The following ZNF596 variants were observed in gnomAD, a reference collection of about 807,000 sequenced individuals.
ZNF596 encodes zinc finger protein 596.
A neutral mutation model predicts 48.3 loss-of-function variants in ZNF596; 45 were observed. The observed-to-expected ratio is 0.93, with a 90% CI of 0.73 to 1.19. The LOEUF is 1.19. Ranked by LOEUF, ZNF596 falls within the 50% of genes most tolerant of loss-of-function variation. The pLI, the probability that ZNF596 is intolerant of heterozygous loss-of-function variation, is 0.00. For missense variants in ZNF596, 848 were observed against 599.7 expected, an observed-to-expected ratio of 1.41 and a Z score of -4.32; for synonymous variants, 270 against 202.0, an observed-to-expected ratio of 1.34 and a Z score of -2.85.
chr8:235,006 G>T (rs190791820), intron 1 of ZNF596: 1 of 152,304 alleles, frequency 6.6e-6, no homozygotes, highest in South Asian at 2.1e-4. Flanking sequence ...CTGCCCAACT[G>T]TATAATGCAT....
At chr8:244,753 A>T in intron 5 of ZNF596, 52 bp downstream of exon 5, 1 of 1,495,510 alleles carries the variant, frequency 6.7e-7, no homozygotes, top group East Asian at 2.3e-5. Flanking sequence ...CCTGGACATT[A>T]AACAACTTTG....
chr8:240,613 A>AT (rs1424633761), intron 1 of ZNF596: 3 of 420,112 alleles, frequency 7.1e-6, no homozygotes, highest in Non-Finnish European at 1.3e-5. Flanking sequence ...TGATTTTCAC[A>AT]TTTCTAGGTC....
intron 2 of ZNF596, among the ~76,000 whole-genome samples, chr8:242,361 G>T (rs199853756): frequency 7.9e-5 from 12 of 152,306 alleles, no homozygotes; most frequent in Non-Finnish European, 1.6e-4. Context: ...TTTGTGGCTT[G>T]TATCTAAAAA....
chr8:246,980 G>C lies in ZNF596; in HGVS notation c.*618G>C, dbSNP rs1350041240. On this transcript the variant is annotated 3_prime_UTR_variant, in exon 6 of 6. Transcript: ENST00000398612. ...AATAGATCAGAATTCACATGGTGTA[G>C]AACTCTCAATGACATGAATGGAGGG... 4.6e-5 allele frequency: 7 copies of C among 152,374 alleles called. No homozygotes were observed. The highest frequency in any genetic ancestry group is 4.6e-4 in the Admixed American group (7 of 15,298). The allele number at this position is 152,374 out of a possible 1,614,324, so 9.4% of individuals were successfully genotyped here.
chr8:243,690 T>A, intron 3 of ZNF596, 32 bp from the exon 4 acceptor site: 1 of 1,608,892 alleles, frequency 6.2e-7, no homozygotes, highest in Non-Finnish European at 8.5e-7. Flanking sequence ...AGCACAGAAC[T>A]CAAAATCCAT....
At chr8:239,363 A>T (rs1255360989) in intron 1 of ZNF596, among the ~76,000 whole-genome samples, 1 of 151,996 alleles carries the variant, frequency 6.6e-6, no homozygotes, top group Non-Finnish European at 1.5e-5. Flanking sequence ...TAATTTTTGT[A>T]TTTTTAGTAG....
Position 246,436 on chromosome 8 carries a change from A to G in ZNF596, c.*74A>G. On this transcript the variant is annotated 3_prime_UTR_variant, in exon 6 of 6. Coordinates refer to ENST00000398612, the MANE Select transcript of ZNF596 (RefSeq NM_001042416.3). ...CTACAGGAATATTATGTCTGTAATC[A>G]GTGTGGAAAAGCCTTTATTTATATT... 6.7e-7 allele frequency: 1 copy of G among 1,489,412 alleles called. No homozygotes were observed. Among genetic ancestry groups the G allele is most frequent in the Non-Finnish European group, 8.9e-7 (1 of 1,119,018 alleles). The allele number at this position is 1,489,412 out of a possible 1,614,324, so 92.3% of individuals were successfully genotyped here.
rs766831324 is a variant in ZNF596 at position 245,805 on chromosome 8, TCTTAC to T, written c.963_967del (p.Tyr321Ter). ...ATGTGGGAAGGCTTTCAGTAAATGT[TCTTAC>T]CTTAGACAACATGAAAGAACTCACA... On this transcript the variant is annotated frameshift_variant, in exon 6 of 6. Transcript: ENST00000398612. LOFTEE classifies it high-confidence loss of function. The T allele has an allele frequency of 1.2e-6, 2 of 1,614,152 alleles. No homozygotes were observed. The highest frequency in any genetic ancestry group is 1.7e-6 in the Non-Finnish European group (2 of 1,180,024).
rs776426100 is a variant in ZNF596 at position 243,028 on chromosome 8, AT to A, written c.139+18del. 6.2e-7 allele frequency: 1 copy of A among 1,604,038 alleles called. No homozygotes were observed. Among genetic ancestry groups the A allele is most frequent in the South Asian group, 1.1e-5 (1 of 90,294 alleles). On this transcript the variant is annotated intron_variant, in intron 3 of 5. Coordinates refer to ENST00000398612, the MANE Select transcript of ZNF596 (RefSeq NM_001042416.3). ...GGTCTCTATTGGTGAGTCTCTTTAT[AT>A]TTATTATGTATGTATATACGGATTC...
In ZNF596 at chr8:246,737, T is replaced by A. The variant is rs1271064720; in HGVS notation, c.*375T>A. On this transcript the variant is annotated 3_prime_UTR_variant, in exon 6 of 6. Transcript: ENST00000398612. ...AGTAAAATCCACAGGCAAGCAACCA[T>A]ATGTCTGTAATTGCTGTGCACTCTC... The A allele has an allele frequency of 5.6e-6, 1 of 177,912 alleles. No homozygotes were observed. The highest frequency in any genetic ancestry group is 1.2e-5 in the Non-Finnish European group (1 of 84,382). 11.0% of individuals were successfully genotyped at this position (177,912 alleles called of 1,614,324 possible).
intron 5 of ZNF596, among the ~76,000 whole-genome samples, chr8:244,930 C>T (rs532530466): frequency 6.6e-6 from 1 of 152,286 alleles, no homozygotes; most frequent in Admixed American, 6.5e-5. Flanking sequence ...ATGATAAAGT[C>T]TTAATAACTA....
In ZNF596 at chr8:245,188, A is replaced by G. The variant is rs558641516; in HGVS notation, c.341A>G (p.Asn114Ser). ...SHTQEDPFLCNDLGEDFTQHI... is the reference protein window; with the variant it reads ...SHTQEDPFLCSDLGEDFTQHI... ...ACTCAAGAGGATCCTTTTCTATGCAATGACTTAGGAGAAGATTTCACTCAA... is the reference window on the plus strand; with the variant it reads ...ACTCAAGAGGATCCTTTTCTATGCAGTGACTTAGGAGAAGATTTCACTCAA... The change falls in exon 6 of 6, where the codon AAT becomes AGT. Residue 114 changes from asparagine (N) to serine (S), a missense_variant. Transcript: ENST00000398612. 209 of 1,604,868 alleles carry G rather than the reference A, an allele frequency of 1.3e-4. 3 individuals are homozygous for G. In the South Asian group the frequency reaches 2.2e-3, roughly 17 times the overall value.
At chr8:232,411 C>T (rs1372347875), upstream of ZNF596, 1 of 213,730 alleles carries the variant, frequency 4.7e-6, no homozygotes, top group African/African-American at 2.4e-5. Context: ...CCGAGGTCCG[C>T]TCGGGTGAGT....
In ZNF596 at chr8:242,902, G is replaced by C. The variant is rs368050858; in HGVS notation, c.28G>C (p.Glu10Gln). The C allele has an allele frequency of 6.4e-7, 1 of 1,574,158 alleles. No homozygotes were observed. The highest frequency in any genetic ancestry group is 8.7e-7 in the Non-Finnish European group (1 of 1,153,178). MPSPDSMTF[E>Q]DIIVDFTQEE... Reference sequence around the variant, plus strand: ...AATGTTTTAGGATTCCATGACCTTCGAGGATATCATTGTAGACTTCACTCA... The same window carrying C: ...AATGTTTTAGGATTCCATGACCTTCCAGGATATCATTGTAGACTTCACTCA... The change falls in exon 3 of 6, where the codon GAG (glutamate) becomes CAG (glutamine). Residue 10 changes from glutamate (E) to glutamine (Q), a missense_variant. By Grantham distance (29) the Glu-to-Gln change is conservative. Coordinates refer to ENST00000398612, the MANE Select transcript of ZNF596 (RefSeq NM_001042416.3).
chr8:233,712 A>T (rs1584897739), intron 1 of ZNF596: 1 of 138,018 alleles, frequency 7.2e-6, no homozygotes. Context: ...CTCACCTTTT[A>T]TGTTTTTCAG....
At chr8:241,984 C>G (rs1796870760) in intron 2 of ZNF596, among the ~76,000 whole-genome samples, 1 of 152,176 alleles carries the variant, frequency 6.6e-6, no homozygotes. Flanking sequence ...ATGAGAACAG[C>G]AAGGGGGAAG....
intron 3 of ZNF596, 194 bp downstream of exon 3, chr8:243,207 G>T (rs1316563603): frequency 2.4e-6 from 1 of 424,700 alleles, no homozygotes; most frequent in Non-Finnish European, 4.1e-6. Context: ...ATATTGATTT[G>T]TCCTCTCTCT....
chr8:245,777 C>G lies in ZNF596; in HGVS notation c.930C>G (p.Leu310=), dbSNP rs1331352571. ...THLGDKPYGC[L]LCGKAFSKCS... The stretch of plus-strand genomic sequence containing the variant: ...TAGGAGATAAACCATATGGATGTCT[C>G]CTATGTGGGAAGGCTTTCAGTAAAT... The change falls in exon 6 of 6, where the codon CTC becomes CTG. Residue 310 remains leucine, a synonymous_variant. Transcript: ENST00000398612. 6.2e-7 allele frequency: 1 copy of G among 1,613,300 alleles called. No homozygotes were observed. The highest frequency in any genetic ancestry group is 2.2e-5 in the East Asian group (1 of 44,758).
chr8:241,671 A>AT (rs1248268042), intron 2 of ZNF596, among the ~76,000 whole-genome samples: 18 of 152,118 alleles, frequency 1.2e-4, no homozygotes, highest in African/African-American at 2.4e-4. Context: ...CAATCAAAGG[A>AT]TTTTTTTTCC....
Sources: allele counts gnomAD v4.1 joint callset (sites outside exome capture counted in the v4.1 genomes callset), GRCh38; gene constraint gnomAD v4.1.1; transcripts MANE v1.5; gene names NCBI Gene and HGNC (gene_info 2026-07-23, HGNC 2026-07-21).